The following PSME4 variants were observed in gnomAD, a reference collection of about 807,000 sequenced individuals.
PSME4 encodes the protein proteasome activator subunit 4.
PSME4 carries 89 observed loss-of-function variants against 253.9 expected under a neutral mutation model. The ratio of observed to expected loss-of-function variants is 0.35; its 90% CI spans 0.30 to 0.42. The LOEUF is 0.42. PSME4 is among the 10% of genes least tolerant of loss of function. The pLI is 1.00. For synonymous variants in PSME4, 851 were observed against 759.2 expected (o/e 1.12, Z -1.99); for missense variants, 2,014 against 2,195.2 (o/e 0.92, Z 1.65).
chr2:53,908,238 A>G (rs1462522111), intron 24 of PSME4, 82 bp downstream of exon 24: 5 of 1,067,384 alleles, frequency 4.7e-6, no homozygotes, highest in Admixed American at 2.7e-5. Flanking sequence ...AACTTCTTCT[A>G]TATGCTGAAT....
chr2:53,911,351 G>C (rs191026481), intron 20 of PSME4, among the ~76,000 whole-genome samples: 16 of 152,140 alleles, frequency 1.1e-4, no homozygotes, highest in Middle Eastern at 3.4e-3. Context: ...AGACTTTCAA[G>C]ACCAAATTCC....
chr2:53,869,832 AC>A, intron 43 of PSME4: 1 of 191,966 alleles, frequency 5.2e-6, no homozygotes, highest in South Asian at 1.8e-4. Flanking sequence ...CAGGGCTATA[AC>A]TGTAAAAGCA....
chr2:53,901,229 A>G, intron 28 of PSME4, 121 bp downstream of exon 28: 2 of 925,292 alleles, frequency 2.2e-6, no homozygotes, highest in Non-Finnish European at 3.2e-6. Context: ...CGCTTTTTTA[A>G]AAAAACACTG....
chr2:53,936,752 A>G lies in PSME4; in HGVS notation c.759+12T>C. The G allele has an allele frequency of 5.2e-6, 8 of 1,545,418 alleles. No individual in the cohort carries two copies. The highest frequency in any genetic ancestry group is 2.1e-5 in the Admixed American group (1 of 48,610). On this transcript the variant is annotated intron_variant, in intron 6 of 46. Coordinates refer to ENST00000404125, the MANE Select transcript of PSME4 (RefSeq NM_014614.3). ...ACTATAGGGGGGAAGAAAGGGAAAA[A>G]GGGATACTTACCCCCTCCCATTGTG...
intron 41 of PSME4, among the ~76,000 whole-genome samples, chr2:53,880,346 G>A (rs1025493815): frequency 6.6e-6 from 1 of 152,046 alleles, no homozygotes; most frequent in African/African-American, 2.4e-5. Context: ...GGTACTTCCA[G>A]CTACACAAGA....
chr2:53,963,009 CAA>C (rs34743937), intron 1 of PSME4, among the ~76,000 whole-genome samples: 64 of 94,768 alleles, frequency 6.8e-4, no homozygotes, highest in Admixed American at 1.1e-3. Flanking sequence ...GACTCAGTGT[CAA>C]AAAAAAAAAA....
rs1669088904 is a variant in PSME4 at position 53,935,983 on chromosome 2, T to G, written c.834+104A>C. ...ATCTTGGCTCACTGCAACCTCAGCC[T>G]CCTGGGTTCAAGAGATTCTCCTGCC... On this transcript the variant is annotated intron_variant, in intron 7 of 46. Coordinates refer to ENST00000404125, the MANE Select transcript of PSME4 (RefSeq NM_014614.3). 3 of 1,433,482 alleles carry G rather than the reference T, an allele frequency of 2.1e-6. No individual in the cohort carries two copies. The Admixed American group carries it at 7.3e-5, about 35-fold the overall frequency. The allele number at this position is 1,433,482 out of a possible 1,614,324, so 88.8% of individuals were successfully genotyped here. A position where few individuals can be genotyped will look rare whatever the true frequency, so the allele number is the denominator to read the frequency against.
intron 1 of PSME4, among the ~76,000 whole-genome samples, chr2:53,950,748 G>A (rs1669940000): frequency 6.6e-6 from 1 of 151,730 alleles, no homozygotes; most frequent in Admixed American, 6.6e-5. Context: ...GGCTGAGGCA[G>A]GAGAATTGCT....
intron 26 of PSME4, among the ~76,000 whole-genome samples, chr2:53,905,799 A>G (rs1268616959): frequency 6.6e-6 from 1 of 152,226 alleles, no homozygotes; most frequent in African/African-American, 2.4e-5. Flanking sequence ...CCTGGGTAAC[A>G]GAGAGAGACC....
chr2:53,900,014 G>A lies in PSME4; in HGVS notation c.3289C>T (p.Pro1097Ser), dbSNP rs775670470. The change falls in exon 29 of 47, where the codon CCA becomes TCA. Residue 1097 changes from proline to serine, a missense_variant. Around this residue, in one of 4 missense-constraint regions of PSME4, gnomAD observed 989 missense variants for 1,021.1 expected, o/e 0.97. Transcript: ENST00000404125. ...YETIGLDFTI[P>S]KSCVEIAELL... ...TCCGCTATTTCAACACATGACTTTG[G>A]AATCTTGTTAAAAAGAAAAAAGCAG... 4 of 1,609,426 alleles carry A rather than the reference G, an allele frequency of 2.5e-6. No homozygotes were observed. Among genetic ancestry groups the A allele is most frequent in the East Asian group, 2.2e-5 (1 of 44,806 alleles).
chr2:53,963,416 C>G (rs1465042808), intron 1 of PSME4, among the ~76,000 whole-genome samples: 7 of 152,272 alleles, frequency 4.6e-5, no homozygotes, highest in African/African-American at 1.7e-4. Context: ...AACGCCAAAA[C>G]CAGTGCCCAG....
Position 53,864,533 on chromosome 2 carries a change from C to G in PSME4, c.*1045G>C, listed in dbSNP as rs538320656. The G allele has an allele frequency of 2.6e-5, 4 of 152,232 alleles. No homozygotes were observed. Among genetic ancestry groups the G allele is most frequent in the Non-Finnish European group, 5.9e-5 (4 of 68,002 alleles). 9.4% of individuals were successfully genotyped at this position (152,232 alleles called of 1,614,324 possible). On this transcript the variant is annotated 3_prime_UTR_variant, in exon 47 of 47. Coordinates refer to ENST00000404125, the MANE Select transcript of PSME4 (RefSeq NM_014614.3). ...TCAGTGGGTACAAAGCCCAAAATCACTATAATAAAGAACTACACGTGAATC... is the reference window on the plus strand; with the variant it reads ...TCAGTGGGTACAAAGCCCAAAATCAGTATAATAAAGAACTACACGTGAATC...
intron 1 of PSME4, among the ~76,000 whole-genome samples, chr2:53,969,929 T>C (rs931472538): frequency 1.3e-5 from 2 of 151,036 alleles, no homozygotes; most frequent in African/African-American, 4.9e-5. Context: ...AACAACACTG[T>C]CCACATAAGA....
At chr2:53,873,868 C>T (rs893298450) in intron 43 of PSME4, among the ~76,000 whole-genome samples, 8 of 152,098 alleles carry the variant, frequency 5.3e-5, no homozygotes, top group East Asian at 1.9e-4. Context: ...GAAGACAGAA[C>T]GAAAACATGC....
At position 53,892,942 on chromosome 2, in the gene PSME4, C is replaced by T; in HGVS notation, c.4057G>A (p.Asp1353Asn). Residue 1353 changes from aspartate (D) to asparagine (N), a missense_variant, in exon 36 of 47, where the codon GAT (aspartate) becomes AAT (asparagine). Physicochemically the swap from Asp to Asn is conservative, Grantham distance 23. Transcript: ENST00000404125. ...CLFKGIFRNF[D>N]DAFLPVLKPH... ...TTCAGAACTGGCAGGAAGGCATCAT[C>T]AAAATTCCTGAATATACCCTATAAA... 5.0e-6 allele frequency: 8 copies of T among 1,613,066 alleles called. No homozygotes were observed. Among genetic ancestry groups the T allele is most frequent in the Non-Finnish European group, 6.8e-6 (8 of 1,179,628 alleles).
intron 1 of PSME4, among the ~76,000 whole-genome samples, chr2:53,955,366 T>A (rs920419682): frequency 6.6e-6 from 1 of 152,140 alleles, no homozygotes; most frequent in Non-Finnish European, 1.5e-5. Context: ...TCTTAAAACA[T>A]TTAGGTTTTC....
intron 1 of PSME4, among the ~76,000 whole-genome samples, chr2:53,956,838 C>T (rs1486885836): frequency 1.3e-5 from 2 of 152,064 alleles, no homozygotes; most frequent in Non-Finnish European, 2.9e-5. Context: ...AATATTTCTG[C>T]ATTTCTGTGT....
At chr2:53,870,788 C>G (rs1051148583) in intron 43 of PSME4, 6 of 151,992 alleles carry the variant, frequency 3.9e-5, no homozygotes, top group Admixed American at 1.3e-4. Context: ...TCAATATACT[C>G]CATTTTTATT....
At chr2:53,927,946 T>G (rs1356270479) in intron 11 of PSME4, among the ~76,000 whole-genome samples, 171 bp downstream of exon 11, 1 of 152,180 alleles carries the variant, frequency 6.6e-6, no homozygotes, top group Non-Finnish European at 1.5e-5. Context: ...CAAGACTCCG[T>G]CTCAAAATAA....
Sources: allele counts gnomAD v4.1 joint callset (sites outside exome capture counted in the v4.1 genomes callset), GRCh38; gene constraint gnomAD v4.1.1; regional missense constraint gnomAD v4.1.1; transcripts MANE v1.5; gene names NCBI Gene and HGNC (gene_info 2026-07-23, HGNC 2026-07-21).